PGM5: variants seen among roughly 807,000 people sequenced by gnomAD.
PGM5 encodes the protein phosphoglucomutase 5, also known as phosphoglucomutase-like protein 5.
PGM5 carries 23 observed loss-of-function variants against 59.2 expected under a neutral mutation model. The observed-to-expected ratio is 0.39, with a 90% CI of 0.28 to 0.55. The LOEUF (loss-of-function observed/expected upper bound fraction) is 0.55. PGM5 is among the 20% of genes least tolerant of loss of function. The pLI is 0.66. For missense variants in PGM5, 574 were observed against 748.3 expected, an observed-to-expected ratio of 0.77 and a Z score of 2.72; for synonymous variants, 214 against 286.0, an observed-to-expected ratio of 0.75 and a Z score of 2.54.
chr9:68,377,336 G>A (rs1167523101), intron 1 of PGM5, among the ~76,000 whole-genome samples: 1 of 152,140 alleles, frequency 6.6e-6, no homozygotes, highest in Non-Finnish European at 1.5e-5. Flanking sequence ...CATCTGTGGA[G>A]CTTTAAAACT....
At chr9:68,435,199 C>T (rs1357201423) in intron 6 of PGM5, among the ~76,000 whole-genome samples, 1 of 152,182 alleles carries the variant, frequency 6.6e-6, no homozygotes, top group Non-Finnish European at 1.5e-5. Flanking sequence ...CTTTATAGCC[C>T]ATGCACATTT....
In PGM5 at chr9:68,410,853, G is replaced by A. The variant is rs373767069; in HGVS notation, c.1043+18380G>A. Among the ~76,000 whole-genome samples the A allele has an allele frequency of 6.6e-5, 10 of 152,306 alleles. No individual in the cohort carries two copies. The South Asian group carries it at 8.3e-4, about 13-fold the overall frequency. On this transcript the variant is annotated intron_variant, in intron 6 of 10. Transcript: ENST00000396396. ...AACAACAAGGAAAAAGTTACATCTC[G>A]TATTAAAATGTCTAGAAAGGGCAGC...
intron 9 of PGM5, among the ~76,000 whole-genome samples, chr9:68,485,032 C>A (rs1554687449): frequency 6.6e-6 from 1 of 152,192 alleles, no homozygotes; most frequent in African/African-American, 2.4e-5. Context: ...GCTCGGAAAC[C>A]ATTCCTTCAA....
At chr9:68,365,496 T>G (rs1483710131) in intron 1 of PGM5, among the ~76,000 whole-genome samples, 1 of 152,108 alleles carries the variant, frequency 6.6e-6, no homozygotes, top group Non-Finnish European at 1.5e-5. Context: ...AAAATCCACC[T>G]TCTCTGAGTC....
chr9:68,425,151 T>C (rs1823212963), intron 6 of PGM5, among the ~76,000 whole-genome samples: 1 of 152,194 alleles, frequency 6.6e-6, no homozygotes, highest in Non-Finnish European at 1.5e-5. Flanking sequence ...CTTTTACTGT[T>C]CCTTGGCAAG....
chr9:68,373,080 T>C (rs1319972857), intron 1 of PGM5, among the ~76,000 whole-genome samples: 2 of 149,962 alleles, frequency 1.3e-5, no homozygotes, highest in African/African-American at 4.9e-5. Context: ...ATGACAGGAA[T>C]GGCTGGGGGA....
chr9:68,372,926 C>A (rs1554677284), intron 1 of PGM5, among the ~76,000 whole-genome samples: 1 of 152,130 alleles, frequency 6.6e-6, no homozygotes, highest in East Asian at 1.9e-4. Flanking sequence ...GGTGCTAGAC[C>A]ATTCATGAGG....
rs1175557465 is a variant in PGM5, at chr9:68,357,291, G to A, written c.164G>A (p.Arg55His). 1.1e-5 allele frequency: 17 copies of A among 1,545,582 alleles called. No individual in the cohort carries two copies. In the African/African-American group the frequency reaches 2.2e-4, roughly 20 times the overall value. Residue 55 changes from arginine to histidine, a missense_variant, in exon 1 of 11, where the codon CGC becomes CAC. Physicochemically the swap from Arg to His is conservative, Grantham distance 29 (BLOSUM62 0). Around this residue, in one of 7 missense-constraint regions of PGM5, gnomAD observed 61 missense variants for 133.3 expected, o/e 0.46. Transcript: ENST00000396396. ...AGCGTGCTGTCGTCCATCGACCTGC[G>A]CGACCGTCAGGGCTGCACCATGGTG... ...IQSVLSSIDL[R>H]DRQGCTMVVG...
At chr9:68,379,758 G>A (rs1822018887) in intron 2 of PGM5, among the ~76,000 whole-genome samples, 1 of 151,992 alleles carries the variant, frequency 6.6e-6, no homozygotes, top group Admixed American at 6.6e-5. Context: ...GGGATAGAAG[G>A]AGATATGCCA....
rs782567139 is a variant in PGM5 at position 68,387,523 on chromosome 9, A to G, written c.632A>G (p.His211Arg). ...CTCCTTCGGACCATCTTTGACTTTCATGCCATCAAGGGTTTGCTGACTGGA... is the reference window on the plus strand; with the variant it reads ...CTCCTTCGGACCATCTTTGACTTTCGTGCCATCAAGGGTTTGCTGACTGGA... ...LNLLRTIFDF[H>R]AIKGLLTGPS... The change falls in exon 4 of 11, where the codon CAT (histidine) becomes CGT (arginine). Residue 211 changes from histidine (H) to arginine (R), a missense_variant. His to Arg is a conservative substitution (Grantham distance 29). Transcript: ENST00000396396. The G allele has an allele frequency of 4.3e-6, 7 of 1,612,082 alleles. No homozygotes were observed. Among genetic ancestry groups the G allele is most frequent in the African/African-American group, 1.3e-5 (1 of 74,924 alleles).
At chr9:68,420,964 A>G (rs191738236) in intron 6 of PGM5, among the ~76,000 whole-genome samples, 2 of 152,356 alleles carry the variant, frequency 1.3e-5, no homozygotes, top group Non-Finnish European at 2.9e-5. Flanking sequence ...TATGATGATC[A>G]TAGATGTAAC....
intron 7 of PGM5, among the ~76,000 whole-genome samples, chr9:68,478,256 C>T (rs1395799560): frequency 6.6e-6 from 1 of 152,216 alleles, no homozygotes; most frequent in Admixed American, 6.5e-5. Context: ...CATTTGTGTG[C>T]CTGATGCAAT....
intron 6 of PGM5, among the ~76,000 whole-genome samples, chr9:68,450,438 G>A (rs761453933): frequency 1.3e-5 from 2 of 152,092 alleles, no homozygotes; most frequent in Admixed American, 6.5e-5. Context: ...CTCTTCCGAA[G>A]GTGAATGATC....
chr9:68,511,443 C>T (rs1461522221), intron 10 of PGM5, among the ~76,000 whole-genome samples: 3 of 151,552 alleles, frequency 2.0e-5, no homozygotes, highest in Non-Finnish European at 4.4e-5. Context: ...AGGAGATGTC[C>T]ATTCAGTCAG....
chr9:68,388,448 A>G (rs1204563903), intron 4 of PGM5, among the ~76,000 whole-genome samples: 3 of 150,746 alleles, frequency 2.0e-5, no homozygotes, highest in Non-Finnish European at 4.4e-5. Context: ...CTCTCTGAGC[A>G]TGCTGTCATC....
At chr9:68,412,641 A>T (rs1554681683) in intron 6 of PGM5, among the ~76,000 whole-genome samples, 1 of 152,084 alleles carries the variant, frequency 6.6e-6, no homozygotes, top group East Asian at 1.9e-4. Context: ...TCTGCTACAA[A>T]CGGTTAGGTA....
At chr9:68,424,510 G>A (rs1333656008) in intron 6 of PGM5, among the ~76,000 whole-genome samples, 1 of 152,092 alleles carries the variant, frequency 6.6e-6, no homozygotes, top group Non-Finnish European at 1.5e-5. Context: ...CCCCCAAAAG[G>A]TCCCACCTCC....
intron 6 of PGM5, among the ~76,000 whole-genome samples, chr9:68,403,740 A>G (rs1822733746): frequency 6.6e-6 from 1 of 152,138 alleles, no homozygotes; most frequent in African/African-American, 2.4e-5. Context: ...AGTTCTGATT[A>G]TACTCCGAGT....
intron 10 of PGM5, among the ~76,000 whole-genome samples, chr9:68,518,640 A>G (rs1824856080): frequency 6.6e-6 from 1 of 152,258 alleles, no homozygotes; most frequent in Admixed American, 6.5e-5. Context: ...ACAGCAGCTG[A>G]AGAATATCAG....
Sources: allele counts gnomAD v4.1 joint callset (sites outside exome capture counted in the v4.1 genomes callset), GRCh38; gene constraint gnomAD v4.1.1; regional missense constraint gnomAD v4.1.1; transcripts MANE v1.5; gene names NCBI Gene and HGNC (gene_info 2026-07-23, HGNC 2026-07-21).